ZSCAN23: variants seen among roughly 807,000 people sequenced by gnomAD.
ZSCAN23 encodes the protein zinc finger and SCAN domain containing 23.
In ZSCAN23, 19 loss-of-function variants were observed where a neutral mutation model predicts 19.3. The ratio of observed to expected loss-of-function variants is 0.99; its 90% confidence interval spans 0.69 to 1.45. The LOEUF is 1.45. Ranked by LOEUF, ZSCAN23 falls within the 40% of genes most tolerant of loss-of-function variation. The probability of loss-of-function intolerance (pLI) is 0.00; values close to 1 mark genes in which losing one functional copy is unlikely to be tolerated. For synonymous variants in ZSCAN23, 140 were observed against 166.2 expected (o/e 0.84, Z 1.21); for missense variants, 372 against 462.5 (o/e 0.80, Z 1.79).
At chr6:28,439,035 C>A (rs1421858479) in intron 1 of ZSCAN23, among the ~76,000 whole-genome samples, 1 of 152,064 alleles carries the variant, frequency 6.6e-6, no homozygotes, top group Non-Finnish European at 1.5e-5. Context: ...GTAATCACTA[C>A]CCCAGGAAAT....
At chr6:28,430,335 C>G (rs1188654742), downstream of ZSCAN23, among the ~76,000 whole-genome samples, 3 of 152,018 alleles carry the variant, frequency 2.0e-5, no homozygotes, top group Non-Finnish European at 4.4e-5. Context: ...CTCCCACAGC[C>G]CTAGTCATGT....
At position 28,436,048 on chromosome 6, in the gene ZSCAN23, G is replaced by T; in HGVS notation, c.219C>A (p.Cys73Ter). The T allele has an allele frequency of 6.2e-7, 1 of 1,614,212 alleles. No homozygotes were observed. Among genetic ancestry groups the T allele is most frequent in the Non-Finnish European group, 8.5e-7 (1 of 1,180,038 alleles). Residue 73 changes from cysteine (C) to a stop codon, truncating the protein, a stop_gained, in exon 2 of 4, where the codon TGC becomes TGA. Coordinates refer to ENST00000289788, the MANE Select transcript of ZSCAN23 (RefSeq NM_001012455.2). LOFTEE classifies it high-confidence loss of function. ...REALQRLQEL[C>*]HQWLRPEMHT... ...GCATCTCTGGTCTCAGCCACTGATG[G>T]CAGAGCTCCTGGAGTCTTTGAAGAG...
intron 3 of ZSCAN23, 37 bp from the exon 4 acceptor site, chr6:28,435,115 T>A: frequency 6.8e-7 from 1 of 1,479,084 alleles, no homozygotes; most frequent in Non-Finnish European, 9.0e-7. Context: ...ACATGAAGTA[T>A]GAAAAATAAC....
At chr6:28,426,108 T>C in the ZSCAN23 span, among the ~76,000 whole-genome samples, 2 of 152,220 alleles carry the variant, frequency 1.3e-5, no homozygotes, top group Admixed American at 1.3e-4. Flanking sequence ...ACTCAAACTT[T>C]CTCCGTATCA....
chr6:28,435,970 G>T lies in ZSCAN23; in HGVS notation c.297C>A (p.Ile99=). Residue 99 remains isoleucine (I), a synonymous_variant, in exon 2 of 4, where the codon ATC becomes ATA. Coordinates refer to ENST00000289788, the MANE Select transcript of ZSCAN23 (RefSeq NM_001012455.2). ...CCCAGGCCTGGAGCTCCTCAGGCAG[G>T]ATAGTCAGGAACTGCTCCAGCACCA... ...ELLVLEQFLT[I]LPEELQAWVR... is the part of the protein sequence containing the mutation. 1.2e-6 allele frequency: 2 copies of T among 1,614,190 alleles called. No homozygotes were observed. Among genetic ancestry groups the T allele is most frequent in the Non-Finnish European group, 1.7e-6 (2 of 1,180,028 alleles).
At chr6:28,436,833 C>T (rs1181975895) in intron 1 of ZSCAN23, among the ~76,000 whole-genome samples, 1 of 152,062 alleles carries the variant, frequency 6.6e-6, no homozygotes, top group African/African-American at 2.4e-5. Context: ...AGGTAGAGTC[C>T]CTCCAGCCAT....
At chr6:28,427,244 A>G (rs549766430), downstream of ZSCAN23, among the ~76,000 whole-genome samples, 1 of 152,338 alleles carries the variant, frequency 6.6e-6, no homozygotes, top group East Asian at 1.9e-4. Context: ...CCCCTGCAGC[A>G]CCTAACACTG....
chr6:28,436,916 T>C (rs1039061181), intron 1 of ZSCAN23, among the ~76,000 whole-genome samples: 1 of 152,120 alleles, frequency 6.6e-6, no homozygotes, highest in African/African-American at 2.4e-5. Flanking sequence ...CCTGCAGGTA[T>C]TCCCTCCAGA....
At chr6:28,440,733 G>C (rs1761983242) in intron 1 of ZSCAN23, among the ~76,000 whole-genome samples, 1 of 152,156 alleles carries the variant, frequency 6.6e-6, no homozygotes, top group Non-Finnish European at 1.5e-5. Context: ...TTAGAGCTCT[G>C]CCCAGAAAAA....
chr6:28,435,344 C>T, intron 3 of ZSCAN23, 116 bp downstream of exon 3: 1 of 1,370,022 alleles, frequency 7.3e-7, no homozygotes, highest in Non-Finnish European at 9.8e-7. Context: ...TTGTTTATCA[C>T]TGTATCCCTG....
chr6:28,443,489 A>T lies in ZSCAN23; in HGVS notation c.-168T>A, dbSNP rs1399549781. The T allele has an allele frequency of 6.6e-6, 1 of 152,232 alleles. No homozygotes were observed. 9.4% of individuals were successfully genotyped at this position (152,232 alleles called of 1,614,324 possible). ...GCAGCCCAAAGAATGATAAACTACAAAGGCCGGAAATGCGTCACCGCGGCC... is the reference window on the plus strand; with the variant it reads ...GCAGCCCAAAGAATGATAAACTACATAGGCCGGAAATGCGTCACCGCGGCC... On this transcript the variant is annotated 5_prime_UTR_variant, in exon 1 of 4. The change creates a new upstream start codon in the 5' untranslated region. Coordinates refer to ENST00000289788, the MANE Select transcript of ZSCAN23 (RefSeq NM_001012455.2).
Position 28,443,381 on chromosome 6 carries a change from C to A in ZSCAN23, c.-78+18G>T, listed in dbSNP as rs1436983448. 6.6e-6 allele frequency: 1 copy of A among 152,498 alleles called. No individual in the cohort carries two copies. Among genetic ancestry groups the A allele is most frequent in the African/African-American group, 2.4e-5 (1 of 41,486 alleles). 9.4% of individuals were successfully genotyped at this position (152,498 alleles called of 1,614,324 possible). On this transcript the variant is annotated intron_variant, in intron 1 of 3. Transcript: ENST00000289788. The stretch of plus-strand genomic sequence containing the variant: ...CCCTTCCGAAGCCCCTCAGCGGTAG[C>A]CCGACTCCGAAGCTCACCGAGGCAT...
chr6:28,430,668 C>A (rs80183650), downstream of ZSCAN23, among the ~76,000 whole-genome samples: 3,794 of 152,188 alleles, frequency 0.025, 89 homozygotes, highest in African/African-American at 0.067. Context: ...ACCACCCCCA[C>A]CCCTGCAGTC....
At position 28,433,169 on chromosome 6, in the gene ZSCAN23, T is replaced by A. The variant is rs1761794858; in HGVS notation, c.*1296A>T. 2 of 152,038 alleles carry A rather than the reference T, an allele frequency of 1.3e-5. No homozygotes were observed. The highest frequency in any genetic ancestry group is 1.3e-4 in the Admixed American group (2 of 15,262). 9.4% of individuals were successfully genotyped at this position (152,038 alleles called of 1,614,324 possible). ...TTATTGAAACATATAAATGGGTGGG[T>A]TTGTTGAGCAACTTCAGTGACTTAT... On this transcript the variant is annotated 3_prime_UTR_variant, in exon 4 of 4. Transcript: ENST00000289788.
In ZSCAN23 at chr6:28,436,300, C is replaced by G; in HGVS notation, c.-34G>C. 4 of 1,468,698 alleles carry G rather than the reference C, an allele frequency of 2.7e-6. No homozygotes were observed. Among genetic ancestry groups the G allele is most frequent in the Non-Finnish European group, 3.6e-6 (4 of 1,105,866 alleles). 91.0% of individuals were successfully genotyped at this position (1,468,698 alleles called of 1,614,324 possible). On this transcript the variant is annotated 5_prime_UTR_variant, in exon 2 of 4. Coordinates refer to ENST00000289788, the MANE Select transcript of ZSCAN23 (RefSeq NM_001012455.2). Reference sequence around the variant, plus strand: ...TAACTATTCAGAAAAATAATCTATTCTTGATAATTCTCCCTTGATCTTTTC... The same window carrying G: ...TAACTATTCAGAAAAATAATCTATTGTTGATAATTCTCCCTTGATCTTTTC...
At chr6:28,441,416 G>A (rs929611182) in intron 1 of ZSCAN23, among the ~76,000 whole-genome samples, 20 of 152,042 alleles carry the variant, frequency 1.3e-4, no homozygotes, top group African/African-American at 4.8e-4. Flanking sequence ...CTAATCAGGC[G>A]TTTCTCATCC....
chr6:28,422,500 T>G, the ZSCAN23 span, among the ~76,000 whole-genome samples: 1 of 152,212 alleles, frequency 6.6e-6, no homozygotes, highest in Non-Finnish European at 1.5e-5. The surrounding 1 kb of genome is among the most constrained non-coding windows in gnomAD (Gnocchi z 4.0). Context: ...AGCATGCACC[T>G]ACTAAAGTTT....
Position 28,436,118 on chromosome 6 carries a change from C to T in ZSCAN23, c.149G>A (p.Arg50His), listed in dbSNP as rs752306936. ...CTCCTGATAGCAGAACTGCCTGAAG[C>T]GTCTACGAAAGATCTCTCTGGTATG... ...NPHTREIFRRRFRQFCYQESP... is the reference protein window; with the variant it reads ...NPHTREIFRRHFRQFCYQESP... Residue 50 changes from arginine to histidine, a missense_variant, in exon 2 of 4, where the codon CGC becomes CAC. Transcript: ENST00000289788. 14 of 1,611,710 alleles carry T rather than the reference C, an allele frequency of 8.7e-6. No individual in the cohort carries two copies. Among genetic ancestry groups the T allele is most frequent in the Non-Finnish European group, 1.0e-5 (12 of 1,178,864 alleles).
At chr6:28,425,184 T>A in the ZSCAN23 span, among the ~76,000 whole-genome samples, 2 of 152,296 alleles carry the variant, frequency 1.3e-5, no homozygotes, top group African/African-American at 4.8e-5. Context: ...TCGAAAGGAA[T>A]CTTTTTTTCT....
Sources: gnomAD v4.1 joint callset for allele counts (sites outside exome capture counted in the v4.1 genomes callset) on GRCh38, gnomAD v4.1.1 for gene constraint, Gnocchi (gnomAD v3.1) non-coding constraint, MANE v1.5 for transcripts, NCBI Gene and HGNC (gene_info 2026-07-23, HGNC 2026-07-21) for gene names.